Variants in CADPS2 observed in about 807,000 individuals in gnomAD.
CADPS2 encodes the protein calcium-dependent secretion activator 2.
A neutral mutation model predicts 172.5 loss-of-function variants in CADPS2; 93 were observed. That is an observed-to-expected ratio of 0.54 (90% CI 0.46 to 0.64). The LOEUF is 0.64. CADPS2 is among the 30% of genes least tolerant of loss of function. The pLI, the probability that CADPS2 is intolerant of heterozygous loss-of-function variation, is 0.00. For synonymous variants in CADPS2, 546 were observed against 555.2 expected (o/e 0.98, Z 0.23); for missense variants, 1,420 against 1,565.9 (o/e 0.91, Z 1.57).
intron 1 of CADPS2, among the ~76,000 whole-genome samples, chr7:122,765,031 A>G (rs1216036719): frequency 1.3e-5 from 2 of 152,170 alleles, no homozygotes; most frequent in African/African-American, 4.8e-5. Context: ...TCTGAAACAC[A>G]TGGAGTCACA....
intron 1 of CADPS2, among the ~76,000 whole-genome samples, chr7:122,831,943 A>G (rs1048588328): frequency 2.0e-5 from 3 of 152,248 alleles, no homozygotes; most frequent in Non-Finnish European, 4.4e-5. Context: ...AGAAGAGTGG[A>G]TGCTGTCATC....
chr7:122,860,322 G>A (rs187293355), intron 1 of CADPS2, among the ~76,000 whole-genome samples: 69 of 152,182 alleles, frequency 4.5e-4, no homozygotes, highest in African/African-American at 1.4e-3. Context: ...TCCAACTTCC[G>A]GTTCAAGTGA....
chr7:122,774,269 TACACACACACAC>T lies in CADPS2; in HGVS notation c.340-37213_340-37202del, dbSNP rs56843003. Among the ~76,000 whole-genome samples the T allele has an allele frequency of 3.8e-4, 54 of 143,056 alleles. No homozygotes were observed. The South Asian group carries it at 4.1e-3, about 11-fold the overall frequency. The allele number at this position is 143,056 out of a possible 152,430, so 93.9% of individuals were successfully genotyped here. On this transcript the variant is annotated intron_variant, in intron 1 of 29. Transcript: ENST00000449022. Reference sequence around the variant, plus strand: ...ATATATATATAGACATAGATAGATATACACACACACACACACACACACACACACACACACACA... The same window carrying T: ...ATATATATATAGACATAGATAGATATACACACACACACACACACACACACA...
chr7:122,502,385 T>C (rs2059276122), intron 9 of CADPS2, among the ~76,000 whole-genome samples: 2 of 152,120 alleles, frequency 1.3e-5, no homozygotes, highest in Non-Finnish European at 1.5e-5. Flanking sequence ...AGAACTAATA[T>C]ATTTTGTCTT....
intron 6 of CADPS2, among the ~76,000 whole-genome samples, chr7:122,612,576 A>G (rs978323328): frequency 3.3e-5 from 5 of 152,092 alleles, no homozygotes; most frequent in Non-Finnish European, 7.4e-5. Flanking sequence ...ATATGTGTGG[A>G]TCAGAAGACT....
intron 2 of CADPS2, among the ~76,000 whole-genome samples, chr7:122,709,974 G>T (rs537041099): frequency 6.6e-6 from 1 of 150,916 alleles, no homozygotes; most frequent in African/African-American, 2.4e-5. Flanking sequence ...GAGTTAATGG[G>T]TGCAGCACAC....
intron 24 of CADPS2, among the ~76,000 whole-genome samples, chr7:122,380,448 T>A (rs1287546698): frequency 6.6e-6 from 1 of 151,496 alleles, no homozygotes; most frequent in Non-Finnish European, 1.5e-5. Context: ...TTTCTTAAGA[T>A]GTAAGTTTTT....
intron 25 of CADPS2, among the ~76,000 whole-genome samples, chr7:122,375,181 G>A (rs1344089161): frequency 6.6e-6 from 1 of 151,666 alleles, no homozygotes; most frequent in Non-Finnish European, 1.5e-5. Context: ...TTTTTTTAAA[G>A]TAACAGAAAA....
intron 3 of CADPS2, among the ~76,000 whole-genome samples, chr7:122,642,478 C>T (rs1054655451): frequency 1.3e-5 from 2 of 151,438 alleles, no homozygotes; most frequent in African/African-American, 4.9e-5. Context: ...CCTGTGCTGG[C>T]AGCCAACTAT....
rs527582928 is a variant in CADPS2 at position 122,499,281 on chromosome 7, C to T, written c.1543-7861G>A. On this transcript the variant is annotated intron_variant, in intron 9 of 29. Coordinates refer to ENST00000449022, the MANE Select transcript of CADPS2 (RefSeq NM_017954.11). ...TTCCAAATACCCACTTTAAGAATAC[C>T]TCATGGTACATCTTCTTTCTCTGCA... 4.6e-5 allele frequency among the ~76,000 whole-genome samples: 7 copies of T among 152,202 alleles called. No homozygotes were observed. The South Asian group carries it at 1.0e-3, about 23-fold the overall frequency.
chr7:122,393,166 A>G, intron 22 of CADPS2, 30 bp downstream of exon 22: 1 of 1,609,990 alleles, frequency 6.2e-7, no homozygotes, highest in Non-Finnish European at 8.5e-7. Flanking sequence ...CAGCTAACAC[A>G]CCACCAGGAA....
chr7:122,353,248 A>C (rs925359280), intron 27 of CADPS2, among the ~76,000 whole-genome samples: 1 of 152,220 alleles, frequency 6.6e-6, no homozygotes, highest in Admixed American at 6.5e-5. Context: ...CCTCGACCCC[A>C]TATCAAGTCT....
intron 7 of CADPS2, 74 bp from the exon 8 acceptor site, chr7:122,554,763 A>C: frequency 7.6e-7 from 1 of 1,309,958 alleles, no homozygotes; most frequent in Non-Finnish European, 1.0e-6. Flanking sequence ...AATATTTTCT[A>C]TGTTTTCCTG....
At chr7:122,604,162 G>A (rs1488551959) in intron 6 of CADPS2, among the ~76,000 whole-genome samples, 4 of 151,602 alleles carry the variant, frequency 2.6e-5, no homozygotes, top group African/African-American at 4.8e-5. Context: ...TTATGAATTC[G>A]GTAATTTTTC....
At chr7:122,327,930 T>C (rs1353787442) in intron 28 of CADPS2, among the ~76,000 whole-genome samples, 1 of 152,086 alleles carries the variant, frequency 6.6e-6, no homozygotes, top group Non-Finnish European at 1.5e-5. Context: ...AAAATTATTC[T>C]ATCAAATAAG....
chr7:122,817,036 A>C (rs1801658368), intron 1 of CADPS2, among the ~76,000 whole-genome samples: 1 of 147,984 alleles, frequency 6.8e-6, no homozygotes, highest in African/African-American at 2.6e-5. Context: ...TTACCTACTC[A>C]AATCCTATAA....
rs73719749 is a variant in CADPS2, at chr7:122,707,504, C to T, written c.453+29451G>A. 7.4e-3 allele frequency among the ~76,000 whole-genome samples: 1,120 copies of T among 152,016 alleles called. 14 individuals are homozygous for T. Among genetic ancestry groups the T allele is most frequent in the African/African-American group, 0.026 (1,084 of 41,522 alleles). On this transcript the variant is annotated intron_variant, in intron 2 of 29. Transcript: ENST00000449022. ...CAATCACATTGCACTGCTCAGATAGCATCTTTAAGATGAAAGGAAAACCAA... is the reference window on the plus strand; with the variant it reads ...CAATCACATTGCACTGCTCAGATAGTATCTTTAAGATGAAAGGAAAACCAA...
At chr7:122,735,301 C>T (rs1187702556) in intron 2 of CADPS2, among the ~76,000 whole-genome samples, 1 of 152,126 alleles carries the variant, frequency 6.6e-6, no homozygotes, top group Non-Finnish European at 1.5e-5. Flanking sequence ...ACACCATAAA[C>T]CGAATCTGTC....
chr7:122,843,584 T>A (rs1271522784), intron 1 of CADPS2, among the ~76,000 whole-genome samples: 2 of 152,090 alleles, frequency 1.3e-5, no homozygotes, highest in African/African-American at 4.8e-5. Context: ...AAACAATGAG[T>A]CCAGTTCTTT....
Sources: allele counts gnomAD v4.1 joint callset (sites outside exome capture counted in the v4.1 genomes callset), GRCh38; gene constraint gnomAD v4.1.1; transcripts MANE v1.5; gene names NCBI Gene and HGNC (gene_info 2026-07-23, HGNC 2026-07-21).